IGF2BP2: variants seen among roughly 807,000 people sequenced by gnomAD.
IGF2BP2 encodes insulin-like growth factor 2 mRNA-binding protein 2.
A neutral mutation model predicts 75.8 loss-of-function variants in IGF2BP2; 17 were observed. The ratio of observed to expected loss-of-function variants is 0.22; its 90% CI spans 0.15 to 0.34. IGF2BP2 has a LOEUF of 0.34. IGF2BP2 is among the 10% of genes least tolerant of loss of function. The pLI is 1.00. For synonymous variants in IGF2BP2, 288 were observed against 295.6 expected, an observed-to-expected ratio of 0.97 and a Z score of 0.26; for missense variants, 516 against 772.4, an observed-to-expected ratio of 0.67 and a Z score of 3.93.
chr3:185,821,238 G>A, intron 2 of IGF2BP2: 1 of 900,738 alleles, frequency 1.1e-6, no homozygotes, highest in Non-Finnish European at 1.6e-6. Flanking sequence ...AGCAGCTTAT[G>A]CATACATTTG....
At chr3:185,772,577 CTTTT>C (rs368068706) in intron 2 of IGF2BP2, among the ~76,000 whole-genome samples, 18 of 118,202 alleles carry the variant, frequency 1.5e-4, no homozygotes, top group African/African-American at 4.2e-4. Flanking sequence ...CCTTCTCTCT[CTTTT>C]TTTTTTTTTT....
Position 185,675,383 on chromosome 3 carries a change from C to T in IGF2BP2, c.984G>A (p.Lys328=). The part of the protein sequence containing the change: ...IYNPERTITV[K]GTVEACASAE... The stretch of plus-strand genomic sequence containing the variant: ...CACTGGCACAGGCCTCAACTGTGCC[C>T]TTCACAGTGATGGTTCTTTCCGGGT... The change falls in exon 9 of 16, where the codon AAG becomes AAA. Residue 328 remains lysine, a synonymous_variant. Transcript: ENST00000382199. The T allele has an allele frequency of 6.2e-7, 1 of 1,612,386 alleles. No individual in the cohort carries two copies. The highest frequency in any genetic ancestry group is 8.5e-7 in the Non-Finnish European group (1 of 1,179,136).
At chr3:185,695,258 A>C (rs1722433804) in intron 4 of IGF2BP2, among the ~76,000 whole-genome samples, 1 of 152,198 alleles carries the variant, frequency 6.6e-6, no homozygotes. Context: ...TAAAACTATT[A>C]ATTAAACTAG....
intron 2 of IGF2BP2, 114 bp downstream of exon 2, chr3:185,823,039 C>T (rs1037289501): frequency 8.4e-6 from 5 of 597,488 alleles, no homozygotes; most frequent in Non-Finnish European, 1.1e-5. Context: ...ACTAACAAAA[C>T]AAACAAAAGC....
intron 7 of IGF2BP2, among the ~76,000 whole-genome samples, chr3:185,678,433 AC>A (rs1027405920): frequency 2.0e-5 from 3 of 152,242 alleles, no homozygotes; most frequent in Non-Finnish European, 4.4e-5. Context: ...GACAAGCTCT[AC>A]AAAAAATGCT....
At chr3:185,822,164 G>A (rs1458196663) in intron 2 of IGF2BP2, among the ~76,000 whole-genome samples, 2 of 152,016 alleles carry the variant, frequency 1.3e-5, no homozygotes, top group Non-Finnish European at 2.9e-5. Flanking sequence ...ATAAAATTAG[G>A]GTAGTTTGTT....
intron 2 of IGF2BP2, chr3:185,716,407 C>T (rs1725621250): frequency 2.0e-6 from 1 of 490,288 alleles, no homozygotes; most frequent in Admixed American, 2.2e-5. Flanking sequence ...CAGAATATCC[C>T]TCTTTTCTTT....
In IGF2BP2 at chr3:185,824,933, G is replaced by A; in HGVS notation, c.28C>T (p.Leu10=). 2.6e-6 allele frequency: 4 copies of A among 1,557,460 alleles called. No individual in the cohort carries two copies. The highest frequency in any genetic ancestry group is 3.5e-6 in the Non-Finnish European group (4 of 1,148,152). ...TCGTCGGCGGTGACGGCGGGGCTCA[G>A]GTTCCCGATGTAAAGCTTGTTCATC... The part of the protein sequence containing the change: MMNKLYIGN[L]SPAVTADDLR... The change falls in exon 1 of 16, where the codon CTG becomes TTG. Residue 10 remains leucine (L), a synonymous_variant. Coordinates refer to ENST00000382199, the MANE Select transcript of IGF2BP2 (RefSeq NM_006548.6).
In IGF2BP2 at chr3:185,719,490, A is replaced by C. The variant is rs1726165832; in HGVS notation, c.240-21143T>G. Reference sequence around the variant, plus strand: ...CATTCCTAGGAGTTAAGCAGAAAAAAGGCAGGGATGAGCTTGGAAAATGAC... The same window carrying C: ...CATTCCTAGGAGTTAAGCAGAAAAACGGCAGGGATGAGCTTGGAAAATGAC... On this transcript the variant is annotated intron_variant, in intron 2 of 15. Coordinates refer to ENST00000382199, the MANE Select transcript of IGF2BP2 (RefSeq NM_006548.6). 2.0e-5 allele frequency among the ~76,000 whole-genome samples: 3 copies of C among 152,302 alleles called. No homozygotes were observed. The South Asian group carries it at 6.2e-4, about 32-fold the overall frequency.
chr3:185,814,476 C>T (rs1291607237), intron 2 of IGF2BP2, among the ~76,000 whole-genome samples: 1 of 151,972 alleles, frequency 6.6e-6, no homozygotes, highest in East Asian at 1.9e-4. Flanking sequence ...TCAAAAACAC[C>T]CTCTATTTAA....
intron 2 of IGF2BP2, among the ~76,000 whole-genome samples, chr3:185,731,860 T>C (rs1438287726): frequency 1.3e-5 from 2 of 151,944 alleles, no homozygotes. Context: ...CGGGTGCCTG[T>C]AGTCCCAGCT....
intron 2 of IGF2BP2, among the ~76,000 whole-genome samples, chr3:185,768,524 TTAAA>T (rs1372587328): frequency 6.6e-6 from 1 of 152,308 alleles, no homozygotes; most frequent in African/African-American, 2.4e-5. Context: ...TTAATACTAC[TTAAA>T]TATTTAAATT....
At chr3:185,771,454 A>AG (rs1419187800) in intron 2 of IGF2BP2, among the ~76,000 whole-genome samples, 1 of 151,954 alleles carries the variant, frequency 6.6e-6, no homozygotes, top group Admixed American at 6.6e-5. Flanking sequence ...AAAAAAAAAA[A>AG]AGAATCTAAA....
intron 2 of IGF2BP2, among the ~76,000 whole-genome samples, chr3:185,765,453 T>C (rs930705758): frequency 2.6e-5 from 4 of 151,990 alleles, no homozygotes; most frequent in Admixed American, 6.5e-5. Context: ...CCACCTCCCC[T>C]CCTTAATCTC....
rs768654152 is a variant in IGF2BP2 at position 185,675,292 on chromosome 3, T to C, written c.1071+4A>G. 1.9e-6 allele frequency: 3 copies of C among 1,602,636 alleles called. No individual in the cohort carries two copies. In the African/African-American group the frequency reaches 4.0e-5, roughly 22 times the overall value. ...CAGCGGAGAAGAAAGCATTAGGGACTTACGTTAACAGCCAGCATATCATTT... is the reference window on the plus strand; with the variant it reads ...CAGCGGAGAAGAAAGCATTAGGGACCTACGTTAACAGCCAGCATATCATTT... On this transcript the variant is annotated splice_donor_region_variant and intron_variant, in intron 9 of 15. Coordinates refer to ENST00000382199, the MANE Select transcript of IGF2BP2 (RefSeq NM_006548.6).
chr3:185,804,029 C>T (rs905535962), intron 2 of IGF2BP2, among the ~76,000 whole-genome samples: 9 of 152,028 alleles, frequency 5.9e-5, no homozygotes, highest in South Asian at 2.1e-4. Context: ...GAGGCTGAGG[C>T]GGGTGGATCA....
At chr3:185,789,388 G>A (rs1398251180) in intron 2 of IGF2BP2, among the ~76,000 whole-genome samples, 1 of 152,056 alleles carries the variant, frequency 6.6e-6, no homozygotes, top group African/African-American at 2.4e-5. Context: ...ATTCTTCCCT[G>A]GGATTTGTCA....
intron 2 of IGF2BP2, among the ~76,000 whole-genome samples, chr3:185,736,117 T>G (rs1197814683): frequency 6.6e-6 from 1 of 152,140 alleles, no homozygotes; most frequent in Non-Finnish European, 1.5e-5. Context: ...CAGTCCAGTT[T>G]GTTGGATCAA....
In IGF2BP2 at chr3:185,766,540, G is replaced by A. The variant is rs80199810; in HGVS notation, c.239+56613C>T. On this transcript the variant is annotated intron_variant, in intron 2 of 15. Coordinates refer to ENST00000382199, the MANE Select transcript of IGF2BP2 (RefSeq NM_006548.6). ...TAAAGTTTTATTGGAACACAGCCAT[G>A]CTCATCCATTTACATATTGTCTATG... Among the ~76,000 whole-genome samples, 823 of 152,250 alleles carry A rather than the reference G, an allele frequency of 5.4e-3. 7 individuals carry two copies. The highest frequency in any genetic ancestry group is 0.019 in the African/African-American group (776 of 41,538).
Sources: gnomAD v4.1 joint callset for allele counts (sites outside exome capture counted in the v4.1 genomes callset) on GRCh38, gnomAD v4.1.1 for gene constraint, MANE v1.5 for transcripts, NCBI Gene and HGNC (gene_info 2026-07-23, HGNC 2026-07-21) for gene names.